Variants in CNTLN observed in about 807,000 individuals in gnomAD.
CNTLN encodes centlein.
CNTLN carries 212 observed loss-of-function variants against 180.0 expected under a neutral mutation model. The ratio of observed to expected loss-of-function variants is 1.18; its 90% CI spans 1.05 to 1.32. The LOEUF (loss-of-function observed/expected upper bound fraction) is 1.32, where lower values mean the gene tolerates loss of function less well. CNTLN is among the 40% of genes most tolerant of loss of function. The pLI, the probability that CNTLN is intolerant of heterozygous loss-of-function variation, is 0.00. For missense variants in CNTLN, 2,095 were observed against 1,610.9 expected, an observed-to-expected ratio of 1.30 and a Z score of -5.14; for synonymous variants, 722 against 563.1, an observed-to-expected ratio of 1.28 and a Z score of -3.99.
intron 13 of CNTLN, among the ~76,000 whole-genome samples, chr9:17,385,425 C>T (rs186431658): frequency 1.1e-4 from 16 of 152,320 alleles, no homozygotes; most frequent in Admixed American, 9.8e-4. Flanking sequence ...CAGTCCTCAT[C>T]TTGAACCTAT....
intron 7 of CNTLN, chr9:17,302,097 C>G (rs1423277215): frequency 1.1e-6 from 1 of 950,986 alleles, no homozygotes; most frequent in Non-Finnish European, 1.2e-6. Context: ...TGTACACACA[C>G]ACACACACAC....
intron 5 of CNTLN, among the ~76,000 whole-genome samples, chr9:17,256,141 A>G (rs1037904684): frequency 6.2e-4 from 94 of 151,848 alleles, no homozygotes; most frequent in African/African-American, 2.1e-3. Flanking sequence ...ATTATATTTT[A>G]TTTATCCAGT....
chr9:17,356,198 A>C (rs1353020273), intron 12 of CNTLN, among the ~76,000 whole-genome samples: 1 of 152,194 alleles, frequency 6.6e-6, no homozygotes, highest in African/African-American at 2.4e-5. Context: ...TTTTCTTATC[A>C]GGATCTGTTT....
At chr9:17,208,768 G>A (rs912798186) in intron 2 of CNTLN, among the ~76,000 whole-genome samples, 1 of 152,062 alleles carries the variant, frequency 6.6e-6, no homozygotes, top group Non-Finnish European at 1.5e-5. Flanking sequence ...CATAGTAGCT[G>A]CTAATAATCC....
At chr9:17,260,651 TGCTATGCAGAAGCTCTTTA>T (rs914105854) in intron 5 of CNTLN, among the ~76,000 whole-genome samples, 12 of 151,372 alleles carry the variant, frequency 7.9e-5, no homozygotes, top group African/African-American at 2.9e-4. Context: ...TAGTTTCTCT[TGCTATGCAGAAGCTCTTTA>T]GCTATGCAGA....
chr9:17,233,782 A>G (rs1824962222), intron 3 of CNTLN, among the ~76,000 whole-genome samples: 1 of 152,194 alleles, frequency 6.6e-6, no homozygotes, highest in African/African-American at 2.4e-5. Flanking sequence ...AAAAATAGCA[A>G]GCTATGTAAT....
At chr9:17,163,916 G>T (rs140357610) in intron 2 of CNTLN, among the ~76,000 whole-genome samples, 6 of 151,774 alleles carry the variant, frequency 4.0e-5, no homozygotes, top group South Asian at 2.1e-4. Flanking sequence ...CTACTTGGGA[G>T]GCTGAGGTGG....
At chr9:17,242,104 T>G (rs953318076) in intron 5 of CNTLN, among the ~76,000 whole-genome samples, 1 of 152,214 alleles carries the variant, frequency 6.6e-6, no homozygotes, top group African/African-American at 2.4e-5. Flanking sequence ...AAAGTGGATA[T>G]TCTTGTCATG....
intron 13 of CNTLN, among the ~76,000 whole-genome samples, chr9:17,386,390 A>G (rs1825685568): frequency 6.6e-6 from 1 of 152,236 alleles, no homozygotes; most frequent in Non-Finnish European, 1.5e-5. Context: ...TTATACTAGT[A>G]AAAGTAAAGC....
At chr9:17,338,212 T>TAC (rs1426466182) in intron 10 of CNTLN, among the ~76,000 whole-genome samples, 3 of 151,146 alleles carry the variant, frequency 2.0e-5, no homozygotes, top group Non-Finnish European at 2.9e-5. Flanking sequence ...CAAGCTGTAG[T>TAC]ACAGTGCAGT....
chr9:17,525,748 G>C, the CNTLN span, among the ~76,000 whole-genome samples: 1 of 151,954 alleles, frequency 6.6e-6, no homozygotes, highest in Admixed American at 6.6e-5. Flanking sequence ...TAAATTTAAG[G>C]TCATAGAGAA....
chr9:17,283,406 G>T (rs1344345936), intron 6 of CNTLN, among the ~76,000 whole-genome samples: 1 of 151,980 alleles, frequency 6.6e-6, no homozygotes, highest in South Asian at 2.1e-4. Context: ...CTTGTCTATT[G>T]TTAGTGTATG....
At chr9:17,386,188 G>A (rs1411331286) in intron 13 of CNTLN, among the ~76,000 whole-genome samples, 3 of 151,092 alleles carry the variant, frequency 2.0e-5, no homozygotes, top group African/African-American at 4.9e-5. Flanking sequence ...GAATCTAAAA[G>A]AATACAAAGT....
At position 17,464,618 on chromosome 9, in the gene CNTLN, A is replaced by G; in HGVS notation, c.3526A>G (p.Lys1176Glu). ...SFSEMLQNLD[K>E]KVKTLTEECS... Reference sequence around the variant, plus strand: ...TAGTGAAATGTTACAAAATCTTGATAAAAAGGTATCAATTTTTATCTTTAC... The same window carrying G: ...TAGTGAAATGTTACAAAATCTTGATGAAAAGGTATCAATTTTTATCTTTAC... Residue 1176 changes from lysine to glutamate, a missense_variant, in exon 21 of 26, where the codon AAA (lysine) becomes GAA (glutamate). Physicochemically the swap from Lys to Glu is moderately conservative, Grantham distance 56. Transcript: ENST00000380647. 6.8e-7 allele frequency: 1 copy of G among 1,466,038 alleles called. No individual in the cohort carries two copies. The highest frequency in any genetic ancestry group is 9.1e-7 in the Non-Finnish European group (1 of 1,094,362). The allele number at this position is 1,466,038 out of a possible 1,614,324, so 90.8% of individuals were successfully genotyped here. A position where few individuals can be genotyped will look rare whatever the true frequency, so the allele number is the denominator to read the frequency against.
intron 14 of CNTLN, among the ~76,000 whole-genome samples, chr9:17,389,185 A>C (rs1825911089): frequency 6.6e-6 from 1 of 152,066 alleles, no homozygotes; most frequent in Non-Finnish European, 1.5e-5. Context: ...TCAGGTCACA[A>C]AGGCTGTCAT....
intron 18 of CNTLN, among the ~76,000 whole-genome samples, chr9:17,439,053 CAGAA>C (rs971902443): frequency 7.9e-5 from 12 of 152,104 alleles, no homozygotes; most frequent in Admixed American, 5.2e-4. Context: ...GGAATGGGAA[CAGAA>C]AGAGAGGAAT....
chr9:17,228,952 G>A (rs929777096), intron 3 of CNTLN, among the ~76,000 whole-genome samples: 8 of 152,046 alleles, frequency 5.3e-5, no homozygotes, highest in Non-Finnish European at 8.8e-5. Flanking sequence ...GATGCTGATA[G>A]GAATTCCATT....
intron 12 of CNTLN, among the ~76,000 whole-genome samples, chr9:17,349,970 T>C (rs1449884161): frequency 6.6e-6 from 1 of 152,222 alleles, no homozygotes; most frequent in Non-Finnish European, 1.5e-5. Context: ...GGAAGCTAGA[T>C]AGTAAGAGGC....
intron 2 of CNTLN, among the ~76,000 whole-genome samples, chr9:17,183,640 A>G (rs1821256607): frequency 6.6e-6 from 1 of 151,790 alleles, no homozygotes; most frequent in Admixed American, 6.6e-5. Context: ...TATTCCTTTC[A>G]ATGCCTTTGG....
Sources: gnomAD v4.1 joint callset for allele counts (sites outside exome capture counted in the v4.1 genomes callset) on GRCh38, gnomAD v4.1.1 for gene constraint, MANE v1.5 for transcripts, NCBI Gene and HGNC (gene_info 2026-07-23, HGNC 2026-07-21) for gene names.